RTCA: variants seen among roughly 807,000 people sequenced by gnomAD.
RTCA encodes RNA 3'-terminal phosphate cyclase.
RTCA carries 37 observed loss-of-function variants against 46.1 expected under a neutral mutation model. The observed-to-expected ratio is 0.80, with a 90% CI of 0.62 to 1.06. The LOEUF is 1.06. Ranked by LOEUF, RTCA falls within the 50% of genes least tolerant of loss-of-function variation. The pLI is 0.00. For missense variants in RTCA, 435 were observed against 455.5 expected (o/e 0.95, Z 0.41); for synonymous variants, 164 against 158.3 (o/e 1.04, Z -0.27).
In RTCA at chr1:100,291,595, CT is replaced by C; in HGVS notation, c.*92del. 4 of 797,420 alleles carry C rather than the reference CT, an allele frequency of 5.0e-6. No individual in the cohort carries two copies. The highest frequency in any genetic ancestry group is 8.1e-6 in the Non-Finnish European group (4 of 496,406). The allele number at this position is 797,420 out of a possible 1,614,324, so 49.4% of individuals were successfully genotyped here. A position where few individuals can be genotyped will look rare whatever the true frequency, so the allele number is the denominator to read the frequency against. On this transcript the variant is annotated 3_prime_UTR_variant, in exon 11 of 11. Transcript: ENST00000370128. Reference sequence around the variant, plus strand: ...TGACTAGGAAGTAACTTATTAAAGGCTATGACTTAAATTTGAAGATGAAGTA... The same window carrying C: ...TGACTAGGAAGTAACTTATTAAAGGCATGACTTAAATTTGAAGATGAAGTA...
At chr1:100,273,028 A>T (rs1443717502) in intron 4 of RTCA, among the ~76,000 whole-genome samples, 4 of 152,208 alleles carry the variant, frequency 2.6e-5, no homozygotes, top group Non-Finnish European at 5.9e-5. Context: ...TGTACAAAAA[A>T]TTGAGATGAC....
chr1:100,270,793 G>A, intron 4 of RTCA, 113 bp downstream of exon 4: 1 of 1,282,176 alleles, frequency 7.8e-7, no homozygotes, highest in Non-Finnish European at 1.1e-6. Flanking sequence ...ATCTCTTCAT[G>A]GTGTCTTTTC....
chr1:100,272,345 C>T (rs1252002452), intron 4 of RTCA, among the ~76,000 whole-genome samples: 2 of 152,108 alleles, frequency 1.3e-5, no homozygotes, highest in African/African-American at 4.8e-5. Flanking sequence ...CTATTTAATA[C>T]TTGGTAGGGT....
At chr1:100,287,633 A>G (rs1667096694) in intron 10 of RTCA, among the ~76,000 whole-genome samples, 1 of 152,026 alleles carries the variant, frequency 6.6e-6, no homozygotes, top group African/African-American at 2.4e-5. Flanking sequence ...ATTTATATAA[A>G]ATTTTAGACA....
At chr1:100,275,812 G>A in intron 7 of RTCA, 89 bp downstream of exon 7, 3 of 1,153,012 alleles carry the variant, frequency 2.6e-6, no homozygotes, top group Non-Finnish European at 3.6e-6. Flanking sequence ...TCTTGCTTAA[G>A]TTTATAGTTT....
chr1:100,285,293 G>A lies in RTCA; in HGVS notation c.865G>A (p.Gly289Ser). ...EMLLANLRHG[G>S]TVDEYLQDQL... ...GCTATTAGCAAATCTTAGACATGGT[G>A]GTACTGTGGATGAGTATCTGCAAGA... Residue 289 changes from glycine to serine, a missense_variant, in exon 9 of 11, where the codon GGT becomes AGT. Gly to Ser is a moderately conservative substitution (Grantham distance 56, BLOSUM62 0). Transcript: ENST00000370128. The A allele has an allele frequency of 6.2e-7, 1 of 1,613,656 alleles. No homozygotes were observed. Among genetic ancestry groups the A allele is most frequent in the Non-Finnish European group, 8.5e-7 (1 of 1,179,748 alleles).
chr1:100,286,420 A>C (rs1360621917), intron 9 of RTCA, among the ~76,000 whole-genome samples: 1 of 134,462 alleles, frequency 7.4e-6, no homozygotes. Context: ...GCGCCACTGC[A>C]CTCCAGCCTG....
At chr1:100,281,829 A>G (rs1666728146) in intron 8 of RTCA, among the ~76,000 whole-genome samples, 1 of 151,418 alleles carries the variant, frequency 6.6e-6, no homozygotes, top group Admixed American at 6.6e-5. Context: ...CAATCCTCCC[A>G]CCGCAGCCTC....
chr1:100,292,728 G>A lies in RTCA; in HGVS notation c.*1224G>A, dbSNP rs1205886289. ...TCATCCCCAGATATGTTTTTGTTTG[G>A]CTTGTGTTATTAACAAATAAATGAG... On this transcript the variant is annotated 3_prime_UTR_variant, in exon 11 of 11. Coordinates refer to ENST00000370128, the MANE Select transcript of RTCA (RefSeq NM_003729.4). 3.3e-5 allele frequency: 5 copies of A among 152,160 alleles called. No individual in the cohort carries two copies. Among genetic ancestry groups the A allele is most frequent in the Non-Finnish European group, 7.3e-5 (5 of 68,034 alleles). The allele number at this position is 152,160 out of a possible 1,614,324, so 9.4% of individuals were successfully genotyped here. A position where few individuals can be genotyped will look rare whatever the true frequency, so the allele number is the denominator to read the frequency against.
At position 100,287,153 on chromosome 1, in the gene RTCA, GT is replaced by G; in HGVS notation, c.951del (p.Thr318HisfsTer14). 1 of 1,594,522 alleles carries G rather than the reference GT, an allele frequency of 6.3e-7. No homozygotes were observed. The highest frequency in any genetic ancestry group is 1.4e-5 in the African/African-American group (1 of 73,654). On this transcript the variant is annotated frameshift_variant, in exon 10 of 11. Transcript: ENST00000370128. LOFTEE classifies it high-confidence loss of function. ...NGVSRIKTGP[V>X]TLHTQTAIHF... The stretch of plus-strand genomic sequence containing the variant: ...AGTTTCCAGAATAAAAACAGGACCA[GT>G]TACACTCCATACGCAAACCGCGATA...
intron 3 of RTCA, among the ~76,000 whole-genome samples, chr1:100,268,905 C>T (rs1021968404): frequency 6.6e-6 from 1 of 151,914 alleles, no homozygotes; most frequent in African/African-American, 2.4e-5. Flanking sequence ...AGAAAACAAC[C>T]AGGCCAGGTG....
At position 100,266,269 on chromosome 1, in the gene RTCA, A is replaced by C. The variant is rs972284993; in HGVS notation, c.-107A>C. The C allele has an allele frequency of 7.8e-6, 10 of 1,274,802 alleles. No individual in the cohort carries two copies. Among genetic ancestry groups the C allele is most frequent in the Non-Finnish European group, 1.1e-5 (10 of 918,404 alleles). 79.0% of individuals were successfully genotyped at this position (1,274,802 alleles called of 1,614,324 possible). A position where few individuals can be genotyped will look rare whatever the true frequency, so the allele number is the denominator to read the frequency against. ...CTTTCTCGTCAGGCTCCTGCGCCCC[A>C]GGCATGAACCAAGGTTTCTGAACTA... is the stretch of plus-strand genomic sequence containing the variant. On this transcript the variant is annotated 5_prime_UTR_variant, in exon 1 of 11. Coordinates refer to ENST00000370128, the MANE Select transcript of RTCA (RefSeq NM_003729.4).
intron 5 of RTCA, among the ~76,000 whole-genome samples, chr1:100,274,497 G>C (rs554862732): frequency 3.3e-5 from 5 of 152,282 alleles, no homozygotes; most frequent in South Asian, 4.1e-4. Flanking sequence ...TGGGGTATAT[G>C]TTCCATATCT....
In RTCA at chr1:100,282,658, A is replaced by G. The variant is rs144921085; in HGVS notation, c.800-2570A>G. On this transcript the variant is annotated intron_variant, in intron 8 of 10. Coordinates refer to ENST00000370128, the MANE Select transcript of RTCA (RefSeq NM_003729.4). ...TTGAGCATTCCTAATCCAAAAATCT[A>G]AAATCTGAAATATTCCAAAATCAGA... Among the ~76,000 whole-genome samples the G allele has an allele frequency of 7.5e-3, 1,147 of 152,352 alleles. 20 individuals carry two copies. Among genetic ancestry groups the G allele is most frequent in the African/African-American group, 0.027 (1,116 of 41,580 alleles).
intron 7 of RTCA, 67 bp downstream of exon 7, chr1:100,275,790 AT>A (rs1295952134): frequency 7.4e-7 from 1 of 1,353,606 alleles, no homozygotes; most frequent in East Asian, 2.5e-5. Context: ...TAAATTAAAG[AT>A]TTTTAGGGTT....
At chr1:100,286,504 C>A (rs1247007603) in intron 9 of RTCA, among the ~76,000 whole-genome samples, 1 of 149,832 alleles carries the variant, frequency 6.7e-6, no homozygotes, top group Admixed American at 6.6e-5. Flanking sequence ...TTAGCACGTT[C>A]ACTCACAGTG....
At chr1:100,287,680 T>G (rs1034907560) in intron 10 of RTCA, among the ~76,000 whole-genome samples, 2 of 152,224 alleles carry the variant, frequency 1.3e-5, no homozygotes, top group East Asian at 1.9e-4. Flanking sequence ...AATAGAATAT[T>G]TGTTGAAACT....
At chr1:100,276,231 T>C (rs17100887) in intron 7 of RTCA, among the ~76,000 whole-genome samples, 2,138 of 152,318 alleles carry the variant, frequency 0.014, 62 homozygotes, top group African/African-American at 0.05. Context: ...TTGCCTTTTG[T>C]TACCTTGTAA....
At chr1:100,287,295 A>T in intron 10 of RTCA, 92 bp downstream of exon 10, 1 of 803,452 alleles carries the variant, frequency 1.2e-6, no homozygotes. Context: ...AATAGTAATC[A>T]TAATTGCTAT....
Sources: allele counts gnomAD v4.1 joint callset (sites outside exome capture counted in the v4.1 genomes callset), GRCh38; gene constraint gnomAD v4.1.1; transcripts MANE v1.5; gene names NCBI Gene and HGNC (gene_info 2026-07-23, HGNC 2026-07-21).